DENND2B: variants seen among roughly 807,000 people sequenced by gnomAD.
The protein encoded by DENND2B is DENN domain containing 2B, also known as DENN domain-containing protein 2B.
Under a neutral mutation model 116.0 loss-of-function variants are expected in DENND2B, and 32 were observed. The ratio of observed to expected loss-of-function variants is 0.28; its 90% CI spans 0.21 to 0.37. The LOEUF is 0.37. DENND2B is among the 10% of genes least tolerant of loss of function. The pLI is 1.00. For missense variants in DENND2B, 1,276 were observed against 1,477.7 expected (o/e 0.86, Z 2.24); for synonymous variants, 588 against 583.9 (o/e 1.01, Z -0.10).
At chr11:8,694,674 A>G (rs1329734325) in intron 19 of DENND2B, 1 of 455,816 alleles carries the variant, frequency 2.2e-6, no homozygotes, top group South Asian at 1.6e-5. Flanking sequence ...GGAGATCAAG[A>G]ATATTTGGGG....
chr11:8,814,556 C>T (rs539640312), upstream of DENND2B, among the ~76,000 whole-genome samples: 3 of 152,274 alleles, frequency 2.0e-5, no homozygotes, highest in Admixed American at 6.5e-5. Context: ...TCTTACTCAC[C>T]TTGCCTCACC....
chr11:8,819,153 G>T (rs1292209434), intron 4 of DENND2B, among the ~76,000 whole-genome samples: 1 of 152,128 alleles, frequency 6.6e-6, no homozygotes, highest in African/African-American at 2.4e-5. Context: ...CCAACAATCT[G>T]AGAGGCCAAG....
rs1247413288 is a variant in DENND2B, at chr11:8,881,110, C to A, written c.-255-1G>T. On this transcript the variant is annotated splice_acceptor_variant, in intron 1 of 22. Coordinates refer to the DENND2B transcript ENST00000534127. LOFTEE classifies it low-confidence loss of function (5UTR_SPLICE). Reference sequence around the variant, plus strand: ...TCCTCCAGTGGTTTTCTGTGAAAGGCTGCAGAGGAGGTAAATTTTTTTTTA... The same window carrying A: ...TCCTCCAGTGGTTTTCTGTGAAAGGATGCAGAGGAGGTAAATTTTTTTTTA... The A allele has an allele frequency of 6.6e-6, 1 of 152,086 alleles. No homozygotes were observed. The highest frequency in any genetic ancestry group is 2.4e-5 in the African/African-American group (1 of 41,404). 9.4% of individuals were successfully genotyped at this position (152,086 alleles called of 1,614,324 possible).
intron 1 of DENND2B, among the ~76,000 whole-genome samples, chr11:8,790,258 A>T (rs775548253): frequency 6.6e-6 from 1 of 151,948 alleles, no homozygotes; most frequent in Non-Finnish European, 1.5e-5. Flanking sequence ...CTCTCCTCCC[A>T]CCAGTAACTC....
At chr11:8,901,239 T>C (rs200345731) in intron 1 of DENND2B, among the ~76,000 whole-genome samples, 1 of 31,598 alleles carries the variant, frequency 3.2e-5, no homozygotes, top group African/African-American at 6.6e-5. Context: ...CTTTTTTTTT[T>C]TTTTTTTTGA....
At chr11:8,891,886 C>A (rs549295872) in intron 1 of DENND2B, among the ~76,000 whole-genome samples, 3 of 152,142 alleles carry the variant, frequency 2.0e-5, no homozygotes, top group African/African-American at 2.4e-5. Context: ...CTGCACCAAG[C>A]GGACCTAATA....
intron 13 of DENND2B, among the ~76,000 whole-genome samples, chr11:8,705,489 C>G (rs1045051992): frequency 6.6e-6 from 1 of 152,172 alleles, no homozygotes; most frequent in African/African-American, 2.4e-5. Flanking sequence ...CCTGCAGGGC[C>G]TCTGCACGTT....
chr11:8,738,235 C>T (rs1759297099), intron 2 of DENND2B, among the ~76,000 whole-genome samples: 1 of 152,252 alleles, frequency 6.6e-6, no homozygotes, highest in Non-Finnish European at 1.5e-5. Flanking sequence ...TCTGCTCTCA[C>T]AGTCTCGTCC....
chr11:8,890,682 G>C (rs1475547709), intron 1 of DENND2B, among the ~76,000 whole-genome samples: 1 of 151,878 alleles, frequency 6.6e-6, no homozygotes, highest in Non-Finnish European at 1.5e-5. Flanking sequence ...GAGAAGAGAA[G>C]TTTAGAGAAA....
At chr11:8,778,431 G>A (rs2057982061) in intron 1 of DENND2B, among the ~76,000 whole-genome samples, 1 of 152,138 alleles carries the variant, frequency 6.6e-6, no homozygotes, top group East Asian at 1.9e-4. Context: ...CCCTCCCCCT[G>A]CCCCTGACAG....
At chr11:8,878,864 T>C (rs529020178) in intron 2 of DENND2B, among the ~76,000 whole-genome samples, 1 of 152,154 alleles carries the variant, frequency 6.6e-6, no homozygotes, top group Admixed American at 6.5e-5. Context: ...AGAAGATAAA[T>C]GGTTGCCAGG....
intron 1 of DENND2B, among the ~76,000 whole-genome samples, chr11:8,793,792 A>T (rs1367502135): frequency 6.6e-6 from 1 of 152,186 alleles, no homozygotes; most frequent in African/African-American, 2.4e-5. Flanking sequence ...ACTTTCCCAC[A>T]GCAGCTGCAC....
intron 1 of DENND2B, among the ~76,000 whole-genome samples, chr11:8,893,163 T>C (rs1451823506): frequency 1.3e-5 from 2 of 152,158 alleles, no homozygotes; most frequent in African/African-American, 4.8e-5. Context: ...ACTATCTCAA[T>C]AGATGCAGAA....
intron 1 of DENND2B, among the ~76,000 whole-genome samples, chr11:8,794,470 G>T (rs141815466): frequency 6.6e-6 from 1 of 152,214 alleles, no homozygotes; most frequent in Non-Finnish European, 1.5e-5. Flanking sequence ...ATGGGTAGCC[G>T]TCTCCCTTCC....
upstream of DENND2B, among the ~76,000 whole-genome samples, chr11:8,814,023 G>A (rs1235434935): frequency 6.6e-6 from 1 of 152,146 alleles, no homozygotes; most frequent in Non-Finnish European, 1.5e-5. Context: ...TGTCTACTGA[G>A]AGGCCTGCAA....
At chr11:8,868,820 T>A (rs1434162890) in intron 2 of DENND2B, among the ~76,000 whole-genome samples, 4 of 152,212 alleles carry the variant, frequency 2.6e-5, no homozygotes, top group South Asian at 4.1e-4. Context: ...GGCTCTCCCC[T>A]CTTCTATGAA....
At chr11:8,694,696 T>A (rs1196320003) in intron 19 of DENND2B, 2 of 455,378 alleles carry the variant, frequency 4.4e-6, no homozygotes, top group South Asian at 3.1e-5. Flanking sequence ...AAAAAATGGA[T>A]GGTGGTGTCT....
chr11:8,796,534 C>T (rs1177412157), intron 1 of DENND2B, among the ~76,000 whole-genome samples: 2 of 151,990 alleles, frequency 1.3e-5, no homozygotes, highest in South Asian at 2.1e-4. Flanking sequence ...GAATCCATCT[C>T]GAAAAAGAAA....
intron 4 of DENND2B, among the ~76,000 whole-genome samples, chr11:8,828,321 C>T (rs1200413973): frequency 6.6e-6 from 1 of 152,132 alleles, no homozygotes; most frequent in African/African-American, 2.4e-5. Context: ...CAGCACAACT[C>T]GGCCGTTAAG....
Sources: gnomAD v4.1 joint callset for allele counts (sites outside exome capture counted in the v4.1 genomes callset) on GRCh38, gnomAD v4.1.1 for gene constraint, MANE v1.5 for transcripts, NCBI Gene and HGNC (gene_info 2026-07-23, HGNC 2026-07-21) for gene names.